Variants in PTBP2 observed in about 807,000 individuals in gnomAD.
PTBP2 encodes polypyrimidine tract-binding protein 2.
Under a neutral mutation model 61.4 loss-of-function variants are expected in PTBP2, and 13 were observed. That is an observed-to-expected ratio of 0.21 (90% CI 0.14 to 0.34). PTBP2 has a LOEUF of 0.34. Among genes scored for constraint, PTBP2 ranks in the 10% least tolerant of loss-of-function variants. The probability of loss-of-function intolerance (pLI) is 1.00; values close to 1 mark genes in which losing one functional copy is unlikely to be tolerated. For missense variants in PTBP2, 405 were observed against 642.6 expected (o/e 0.63, Z 4.00); for synonymous variants, 215 against 218.5 (o/e 0.98, Z 0.14).
intron 3 of PTBP2, among the ~76,000 whole-genome samples, chr1:96,763,361 C>T (rs57083915): frequency 7.2e-4 from 109 of 152,156 alleles, no homozygotes; most frequent in African/African-American, 1.5e-3. Flanking sequence ...GGATCACTCG[C>T]GGTTAGGAGC....
chr1:96,729,653 A>G (rs1350133906), intron 2 of PTBP2, among the ~76,000 whole-genome samples: 1 of 151,632 alleles, frequency 6.6e-6, no homozygotes, highest in African/African-American at 2.4e-5. Context: ...GAACTTTGGT[A>G]ATTTGTATCT....
At chr1:96,781,526 C>G (rs1010553280) in intron 7 of PTBP2, among the ~76,000 whole-genome samples, 8 of 151,812 alleles carry the variant, frequency 5.3e-5, no homozygotes, top group East Asian at 1.9e-4. Context: ...GATTGCTGTT[C>G]CATTTGCTAA....
intron 3 of PTBP2, among the ~76,000 whole-genome samples, chr1:96,752,316 G>C (rs1433232876): frequency 6.6e-6 from 1 of 151,900 alleles, no homozygotes; most frequent in Non-Finnish European, 1.5e-5. Context: ...TTTTAACTTT[G>C]AATTATTTGC....
chr1:96,761,398 C>CT (rs1350619333), intron 3 of PTBP2, among the ~76,000 whole-genome samples: 2 of 140,610 alleles, frequency 1.4e-5, no homozygotes, highest in Non-Finnish European at 3.1e-5. Flanking sequence ...GTAGCTTGGA[C>CT]TTTAACAGAT....
Position 96,769,797 on chromosome 1 carries a change from A to C in PTBP2, c.210A>C (p.Val70=), listed in dbSNP as rs1657180570. Residue 70 remains valine, a synonymous_variant, in exon 4 of 14, where the codon GTA becomes GTC. Coordinates refer to ENST00000674951, the MANE Select transcript of PTBP2 (RefSeq NM_021190.4). ...ATATTCGAAAATTACCTGGGGAAGT[A>C]ACAGAAACTGAAGTTATTGCTTTAG... is the stretch of plus-strand genomic sequence containing the variant. ...VLHIRKLPGE[V]TETEVIALGL... 3.7e-6 allele frequency: 6 copies of C among 1,612,370 alleles called. No individual in the cohort carries two copies. Among genetic ancestry groups the C allele is most frequent in the Non-Finnish European group, 5.1e-6 (6 of 1,179,004 alleles).
intron 8 of PTBP2, among the ~76,000 whole-genome samples, chr1:96,788,802 T>G (rs1659478490): frequency 6.6e-6 from 1 of 152,094 alleles, no homozygotes; most frequent in Non-Finnish European, 1.5e-5. Flanking sequence ...TACACAGTAA[T>G]TTTTTAAGAC....
At chr1:96,801,843 A>C (rs1661024161) in intron 8 of PTBP2, among the ~76,000 whole-genome samples, 1 of 150,054 alleles carries the variant, frequency 6.7e-6, no homozygotes, top group African/African-American at 2.5e-5. Context: ...CCTGGGGGAC[A>C]AGAGCAAGAC....
At chr1:96,807,048 A>T in intron 11 of PTBP2, 90 bp downstream of exon 11, 2 of 927,500 alleles carry the variant, frequency 2.2e-6, no homozygotes, top group Non-Finnish European at 3.2e-6. Context: ...ACTCCTTTAC[A>T]TCAGTAAGAA....
At chr1:96,773,354 G>C (rs1249557689) in intron 5 of PTBP2, among the ~76,000 whole-genome samples, 1 of 151,876 alleles carries the variant, frequency 6.6e-6, no homozygotes, top group East Asian at 1.9e-4. Flanking sequence ...ATCTTCTAAA[G>C]CCCTTCAGTC....
At chr1:96,746,428 T>A (rs1653772559) in intron 2 of PTBP2, among the ~76,000 whole-genome samples, 1 of 152,136 alleles carries the variant, frequency 6.6e-6, no homozygotes, top group African/African-American at 2.4e-5. Flanking sequence ...TCTTACATCT[T>A]TTTTCCCCCC....
At chr1:96,762,243 G>A (rs1277920413) in intron 3 of PTBP2, among the ~76,000 whole-genome samples, 1 of 150,816 alleles carries the variant, frequency 6.6e-6, no homozygotes, top group Non-Finnish European at 1.5e-5. Flanking sequence ...TGAGCTGTTG[G>A]GTACACCTCC....
At chr1:96,768,357 G>A (rs1353542434) in intron 3 of PTBP2, among the ~76,000 whole-genome samples, 3 of 152,034 alleles carry the variant, frequency 2.0e-5, no homozygotes, top group African/African-American at 7.2e-5. Flanking sequence ...TGGAGACCAA[G>A]ATAATCTGAC....
In PTBP2 at chr1:96,770,862, G is replaced by A. The variant is rs1348014230; in HGVS notation, c.432+11G>A. On this transcript the variant is annotated intron_variant, in intron 5 of 13. Coordinates refer to ENST00000674951, the MANE Select transcript of PTBP2 (RefSeq NM_021190.4). ...AATACATTAAACCAAGTAAGTATGTGTAGGTACATAAATAAAATGGCCTAG... is the reference window on the plus strand; with the variant it reads ...AATACATTAAACCAAGTAAGTATGTATAGGTACATAAATAAAATGGCCTAG... 1.9e-6 allele frequency: 3 copies of A among 1,546,790 alleles called. No individual in the cohort carries two copies. The highest frequency in any genetic ancestry group is 1.8e-6 in the Non-Finnish European group (2 of 1,120,436).
At chr1:96,767,416 GACCA>G (rs1161862307) in intron 3 of PTBP2, among the ~76,000 whole-genome samples, 1 of 151,960 alleles carries the variant, frequency 6.6e-6, no homozygotes, top group Non-Finnish European at 1.5e-5. Context: ...GAAAAGGACA[GACCA>G]AATTAGGAGA....
At chr1:96,746,854 C>CTCA (rs1653866466) in intron 2 of PTBP2, among the ~76,000 whole-genome samples, 1 of 55,736 alleles carries the variant, frequency 1.8e-5, no homozygotes, top group Non-Finnish European at 3.5e-5. Flanking sequence ...CCTCCCTCCC[C>CTCA]CTCCCTCCGT....
At chr1:96,801,041 C>T (rs1022362873) in intron 8 of PTBP2, among the ~76,000 whole-genome samples, 6 of 151,770 alleles carry the variant, frequency 4.0e-5, no homozygotes, top group East Asian at 3.9e-4. Context: ...TATAGTGGCA[C>T]GGTAGGGTTG....
At chr1:96,725,714 A>C (rs919436253) in intron 2 of PTBP2, among the ~76,000 whole-genome samples, 4 of 152,184 alleles carry the variant, frequency 2.6e-5, no homozygotes, top group African/African-American at 9.7e-5. Flanking sequence ...CCTGTGTACA[A>C]GTAATTAAGT....
chr1:96,754,574 A>G (rs2100928197), intron 3 of PTBP2, among the ~76,000 whole-genome samples: 1 of 152,334 alleles, frequency 6.6e-6, no homozygotes, highest in East Asian at 1.9e-4. Flanking sequence ...CCAATAGAGG[A>G]AAAATTGGAG....
At chr1:96,774,672 T>G (rs6665201) in intron 5 of PTBP2, among the ~76,000 whole-genome samples, 6,828 of 152,292 alleles carry the variant, frequency 0.045, 477 homozygotes, top group African/African-American at 0.15. Context: ...GCTATATTAC[T>G]ACGACAGTTC....
Sources: gnomAD v4.1 joint callset for allele counts (sites outside exome capture counted in the v4.1 genomes callset) on GRCh38, gnomAD v4.1.1 for gene constraint, MANE v1.5 for transcripts, NCBI Gene and HGNC (gene_info 2026-07-23, HGNC 2026-07-21) for gene names.